The following SND1 variants were observed in gnomAD, a reference collection of about 807,000 sequenced individuals.
SND1 encodes staphylococcal nuclease and tudor domain containing 1.
Under a neutral mutation model 121.7 loss-of-function variants are expected in SND1, and 38 were observed. The observed-to-expected ratio is 0.31, with a 90% confidence interval of 0.24 to 0.41. The LOEUF is 0.41. SND1 is among the 10% of genes least tolerant of loss of function. The pLI is 1.00. For missense variants in SND1, 868 were observed against 1,184.6 expected (o/e 0.73, Z 3.92); for synonymous variants, 401 against 447.4 (o/e 0.90, Z 1.31).
intron 16 of SND1, among the ~76,000 whole-genome samples, chr7:128,056,367 T>G (rs1346115116): frequency 6.6e-6 from 1 of 152,248 alleles, no homozygotes; most frequent in Non-Finnish European, 1.5e-5. Flanking sequence ...CTATATGCCA[T>G]GGACTGCATT....
At chr7:127,708,878 T>C (rs1223341426) in intron 9 of SND1, among the ~76,000 whole-genome samples, 1 of 152,256 alleles carries the variant, frequency 6.6e-6, no homozygotes, top group Admixed American at 6.5e-5. Context: ...TCTGTCTCCC[T>C]GTCAACTAAC....
At chr7:127,996,701 C>A (rs1802666758) in intron 16 of SND1, among the ~76,000 whole-genome samples, 1 of 152,102 alleles carries the variant, frequency 6.6e-6, no homozygotes, top group South Asian at 2.1e-4. Flanking sequence ...TAATTACCTG[C>A]TGGAAAAGCA....
chr7:127,994,434 T>G (rs1584723128), intron 16 of SND1, among the ~76,000 whole-genome samples: 1 of 151,904 alleles, frequency 6.6e-6, no homozygotes, highest in Non-Finnish European at 1.5e-5. Context: ...ATTCTGGTGG[T>G]GCTGCCAACC....
Position 128,026,966 on chromosome 7 carries a change from A to G in SND1, c.1779+35910A>G, listed in dbSNP as rs893306499. 6 of 152,190 alleles carry G rather than the reference A, an allele frequency of 3.9e-5. No homozygotes were observed. The East Asian group carries it at 9.7e-4, about 24-fold the overall frequency. The allele number at this position is 152,190 out of a possible 1,614,324, so 9.4% of individuals were successfully genotyped here. A position where few individuals can be genotyped will look rare whatever the true frequency, so the allele number is the denominator to read the frequency against. On this transcript the variant is annotated intron_variant, in intron 16 of 23. Transcript: ENST00000354725. Reference sequence around the variant, plus strand: ...TTAACATTTGTCTTTCCCCCATCATACCTGTACCCTCCCCTCCCCGCTTTT... The same window carrying G: ...TTAACATTTGTCTTTCCCCCATCATGCCTGTACCCTCCCCTCCCCGCTTTT...
intron 15 of SND1, among the ~76,000 whole-genome samples, chr7:127,972,115 A>G (rs1802004645): frequency 6.6e-6 from 1 of 152,158 alleles, no homozygotes; most frequent in Non-Finnish European, 1.5e-5. Flanking sequence ...TTTCAAGTAA[A>G]CACCATACAT....
intron 10 of SND1, among the ~76,000 whole-genome samples, chr7:127,722,211 CAGTG>C (rs1796506592): frequency 6.6e-6 from 1 of 151,970 alleles, no homozygotes; most frequent in African/African-American, 2.4e-5. Flanking sequence ...ACTAGTTCCT[CAGTG>C]AGAGCCAGCG....
At chr7:127,968,402 T>C (rs1227447337) in intron 15 of SND1, among the ~76,000 whole-genome samples, 1 of 152,174 alleles carries the variant, frequency 6.6e-6, no homozygotes, top group East Asian at 1.9e-4. Context: ...ATTTCCACAA[T>C]AGTAGGAAGT....
chr7:127,997,764 C>T, intron 16 of SND1: 1 of 534,640 alleles, frequency 1.9e-6, no homozygotes, highest in East Asian at 5.4e-5. Flanking sequence ...TGGCAGTTCA[C>T]CATATATACC....
In SND1 at chr7:128,019,677, A is replaced by G. The variant is rs528394324; in HGVS notation, c.1779+28621A>G. Reference sequence around the variant, plus strand: ...TGGTTAGAAGAAATCCTTGCCTGAAAGCACTGTTCTTTTAGAATGTTTCTA... The same window carrying G: ...TGGTTAGAAGAAATCCTTGCCTGAAGGCACTGTTCTTTTAGAATGTTTCTA... On this transcript the variant is annotated intron_variant, in intron 16 of 23. Coordinates refer to ENST00000354725, the MANE Select transcript of SND1 (RefSeq NM_014390.4). 2.6e-5 allele frequency among the ~76,000 whole-genome samples: 4 copies of G among 152,366 alleles called. No individual in the cohort carries two copies. The East Asian group carries it at 7.7e-4, about 29-fold the overall frequency.
chr7:127,871,866 C>T (rs968748646), intron 12 of SND1, among the ~76,000 whole-genome samples: 1 of 152,126 alleles, frequency 6.6e-6, no homozygotes, highest in Non-Finnish European at 1.5e-5. Flanking sequence ...AGGAGGGACT[C>T]ACACCTGTAA....
At chr7:127,705,487 A>C (rs1017977762) in intron 8 of SND1, among the ~76,000 whole-genome samples, 2 of 152,232 alleles carry the variant, frequency 1.3e-5, no homozygotes, top group African/African-American at 4.8e-5. Flanking sequence ...GGCTATCGTT[A>C]AAGCAGATAT....
At chr7:127,990,747 G>C (rs960047433) in intron 15 of SND1, among the ~76,000 whole-genome samples, 200 bp from the exon 16 acceptor site, 1 of 152,202 alleles carries the variant, frequency 6.6e-6, no homozygotes, top group Non-Finnish European at 1.5e-5. Flanking sequence ...GTGCTGCTGT[G>C]ATAGTGTTGG....
chr7:127,736,988 T>C (rs1342425363), intron 10 of SND1, among the ~76,000 whole-genome samples: 1 of 152,190 alleles, frequency 6.6e-6, no homozygotes, highest in Non-Finnish European at 1.5e-5. Context: ...TTGTGAGTAT[T>C]TGCACAATTA....
chr7:127,788,922 G>T (rs1797861514), intron 10 of SND1, among the ~76,000 whole-genome samples: 1 of 152,096 alleles, frequency 6.6e-6, no homozygotes, highest in African/African-American at 2.4e-5. Flanking sequence ...AAGCATTTAG[G>T]CACTTCCTTC....
rs573147813 is a variant in SND1, at chr7:128,012,329, A to G, written c.1779+21273A>G. ...ACTCACTGTAACCGCCCTGAGAGCT[A>G]TTATACCTTGGAGTTTACCTGCCTC... On this transcript the variant is annotated intron_variant, in intron 16 of 23. Transcript: ENST00000354725. 1.3e-3 allele frequency among the ~76,000 whole-genome samples: 191 copies of G among 152,284 alleles called. 5 individuals carry two copies. In the South Asian group the frequency reaches 0.038, roughly 30 times the overall value.
intron 1 of SND1, among the ~76,000 whole-genome samples, chr7:127,671,127 T>A (rs1236035122): frequency 6.6e-6 from 1 of 152,190 alleles, no homozygotes; most frequent in African/African-American, 2.4e-5. Flanking sequence ...AGACAAAGTT[T>A]CAGAACCACC....
rs182969607 is a variant in SND1, at chr7:127,888,653, T to C, written c.1454+641T>C. Among the ~76,000 whole-genome samples the C allele has an allele frequency of 3.7e-4, 57 of 152,184 alleles. 3 individuals carry two copies. The highest frequency in any genetic ancestry group is 3.1e-3 in the Admixed American group (47 of 15,278). On this transcript the variant is annotated intron_variant, in intron 13 of 23. Transcript: ENST00000354725. Reference sequence around the variant, plus strand: ...CAGGGAGTCTTTTGTCACTGGGTAGTGTGGTAGTTGAGTGATTCCCAGACT... The same window carrying C: ...CAGGGAGTCTTTTGTCACTGGGTAGCGTGGTAGTTGAGTGATTCCCAGACT...
intron 10 of SND1, among the ~76,000 whole-genome samples, chr7:127,729,444 T>G (rs1381762635): frequency 1.4e-5 from 2 of 147,524 alleles, no homozygotes; most frequent in African/African-American, 2.6e-5. Context: ...AATTACTTTT[T>G]TTTTTTTTTT....
intron 12 of SND1, among the ~76,000 whole-genome samples, chr7:127,876,472 G>T (rs1327715774): frequency 6.6e-6 from 1 of 152,128 alleles, no homozygotes; most frequent in Non-Finnish European, 1.5e-5. Context: ...GAGATGTCAG[G>T]CCTAGGTGCT....
Sources: allele counts gnomAD v4.1 joint callset (sites outside exome capture counted in the v4.1 genomes callset), GRCh38; gene constraint gnomAD v4.1.1; transcripts MANE v1.5; gene names NCBI Gene and HGNC (gene_info 2026-07-23, HGNC 2026-07-21).